Variants in BCL2L13 observed in about 807,000 individuals in gnomAD.
BCL2L13 encodes the protein bcl-2-like protein 13.
Under a neutral mutation model 25.8 loss-of-function variants are expected in BCL2L13, and 13 were observed. The ratio of observed to expected loss-of-function variants is 0.50; its 90% CI spans 0.33 to 0.80. BCL2L13 has a LOEUF of 0.80. Ranked by LOEUF, BCL2L13 falls within the 30% of genes least tolerant of loss-of-function variation. The pLI is 0.02. For synonymous variants in BCL2L13, 244 were observed against 230.3 expected, an observed-to-expected ratio of 1.06 and a Z score of -0.54; for missense variants, 504 against 574.9, an observed-to-expected ratio of 0.88 and a Z score of 1.26.
At chr22:17,715,149 TATATATATATATATATA>T (rs1569007772) in intron 6 of BCL2L13, among the ~76,000 whole-genome samples, 1 of 8,980 alleles carries the variant, frequency 1.1e-4, no homozygotes, top group Non-Finnish European at 1.9e-4. Context: ...TATATATATA[TATATATATATATATATA>T]TATATTTTTT....
intron 1 of BCL2L13, among the ~76,000 whole-genome samples, chr22:17,654,560 C>G (rs1236164153): frequency 1.3e-5 from 2 of 151,980 alleles, no homozygotes; most frequent in South Asian, 2.1e-4. Context: ...GTAGCTGGGA[C>G]TACAGGTGCC....
chr22:17,630,721 G>A (rs975040281), intron 1 of BCL2L13, among the ~76,000 whole-genome samples: 2 of 150,892 alleles, frequency 1.3e-5, no homozygotes, highest in Non-Finnish European at 2.9e-5. Flanking sequence ...CTCCCCAGTA[G>A]CTGAGATTAC....
Position 17,681,866 on chromosome 22 carries a change from C to T in BCL2L13, c.122-1348C>T, listed in dbSNP as rs563912124. On this transcript the variant is annotated intron_variant, in intron 2 of 6. Coordinates refer to ENST00000317582, the MANE Select transcript of BCL2L13 (RefSeq NM_015367.4). ...TGGTGCACCCTTGGTCACATTTCTT[C>T]CCTGTGTCTTGGTTTTTCACCTGCA... Among the ~76,000 whole-genome samples the T allele has an allele frequency of 2.0e-5, 3 of 152,242 alleles. No individual in the cohort carries two copies. The East Asian group carries it at 5.8e-4, about 29-fold the overall frequency.
At chr22:17,653,791 A>G (rs926390045) in intron 1 of BCL2L13, among the ~76,000 whole-genome samples, 1 of 151,740 alleles carries the variant, frequency 6.6e-6, no homozygotes, top group African/African-American at 2.4e-5. Flanking sequence ...AGCATGAGCC[A>G]CTGTGCCAAC....
At chr22:17,681,365 G>T (rs2146703248) in intron 2 of BCL2L13, among the ~76,000 whole-genome samples, 1 of 152,102 alleles carries the variant, frequency 6.6e-6, no homozygotes, top group East Asian at 1.9e-4. Flanking sequence ...AATTAGGCGG[G>T]TGTGGTGGCG....
At chr22:17,679,613 T>TA (rs2059675765) in intron 2 of BCL2L13, among the ~76,000 whole-genome samples, 1 of 151,924 alleles carries the variant, frequency 6.6e-6, no homozygotes, top group African/African-American at 2.4e-5. Flanking sequence ...AAATGTTCTG[T>TA]AGTACTGAAA....
chr22:17,645,060 C>T (rs1317643664), intron 1 of BCL2L13, among the ~76,000 whole-genome samples: 19 of 150,302 alleles, frequency 1.3e-4, no homozygotes, highest in East Asian at 5.9e-4. Context: ...CCACCCACCT[C>T]GGCTTCCCAA....
chr22:17,688,083 T>G (rs1398732038), intron 3 of BCL2L13, among the ~76,000 whole-genome samples: 2 of 152,152 alleles, frequency 1.3e-5, no homozygotes, highest in African/African-American at 4.8e-5. Flanking sequence ...CCTCCCAAAG[T>G]GCTGGGATTA....
intron 6 of BCL2L13, among the ~76,000 whole-genome samples, chr22:17,709,699 C>G (rs558081740): frequency 6.6e-6 from 1 of 152,150 alleles, no homozygotes; most frequent in Admixed American, 6.5e-5. Flanking sequence ...GCAGGAGAAT[C>G]TCTTGAACCC....
chr22:17,710,876 C>CA (rs900240426), intron 6 of BCL2L13, among the ~76,000 whole-genome samples: 10 of 147,790 alleles, frequency 6.8e-5, no homozygotes, highest in South Asian at 2.1e-4. Context: ...GACTCCGTCT[C>CA]AAAAAAAATA....
At position 17,726,805 on chromosome 22, in the gene BCL2L13, G is replaced by A; in HGVS notation, c.729G>A (p.Val243=). 3.7e-6 allele frequency: 6 copies of A among 1,614,206 alleles called. No individual in the cohort carries two copies. Among genetic ancestry groups the A allele is most frequent in the Non-Finnish European group, 5.1e-6 (6 of 1,180,048 alleles). ...TCAGTCCCCCAGAGTCTCCAACTGTGACCACTTCCTGGCAGTCTGAGAGCT... is the reference window on the plus strand; with the variant it reads ...TCAGTCCCCCAGAGTCTCCAACTGTAACCACTTCCTGGCAGTCTGAGAGCT... ...GQVSPPESPT[V]TTSWQSESLP... The change falls in exon 7 of 7, where the codon GTG becomes GTA. Residue 243 remains valine (V), a synonymous_variant. Coordinates refer to ENST00000317582, the MANE Select transcript of BCL2L13 (RefSeq NM_015367.4).
intron 1 of BCL2L13, among the ~76,000 whole-genome samples, chr22:17,629,818 TAC>T (rs3044578): frequency 0.026 from 3,795 of 147,978 alleles, 102 homozygotes; most frequent in African/African-American, 0.055. Flanking sequence ...TTTATTTTCA[TAC>T]ACACACACAC....
chr22:17,644,384 G>T (rs1236135075), intron 1 of BCL2L13, among the ~76,000 whole-genome samples: 1 of 146,396 alleles, frequency 6.8e-6, no homozygotes, highest in Non-Finnish European at 1.5e-5. Context: ...AGGCTGAAGT[G>T]CAGTGGCACT....
rs139029107 is a variant in BCL2L13, at chr22:17,683,233, T to G, written c.141T>G (p.Ala47=). ...TTTCAGGGGTTCAACTAGATATAGC[T>G]TCACAATCTCTGGATCAAGAAATTT... ...SSPQGVQLDI[A]SQSLDQEILL... Residue 47 remains alanine, a synonymous_variant, in exon 3 of 7, where the codon GCT becomes GCG. Transcript: ENST00000317582. The G allele has an allele frequency of 5.2e-5, 82 of 1,581,388 alleles. No individual in the cohort carries two copies. Among genetic ancestry groups the G allele is most frequent in the Non-Finnish European group, 6.3e-5 (73 of 1,156,110 alleles).
chr22:17,658,229 G>C (rs960157471), intron 2 of BCL2L13, among the ~76,000 whole-genome samples: 4 of 151,980 alleles, frequency 2.6e-5, no homozygotes, highest in African/African-American at 9.7e-5. Flanking sequence ...TGTATATTCT[G>C]TTTTTTAATT....
upstream of BCL2L13, among the ~76,000 whole-genome samples, chr22:17,633,668 G>A (rs374118169): frequency 2.6e-5 from 4 of 152,220 alleles, no homozygotes; most frequent in South Asian, 2.1e-4. Flanking sequence ...AAGACTAGAA[G>A]TAAATGTAAA....
Position 17,680,511 on chromosome 22 carries a change from C to CAAAAAAA in BCL2L13, c.122-2679_122-2673dup, listed in dbSNP as rs770410371. 9.0e-4 allele frequency among the ~76,000 whole-genome samples: 12 copies of CAAAAAAA among 13,348 alleles called. 2 individuals carry two copies. Among genetic ancestry groups the CAAAAAAA allele is most frequent in the African/African-American group, 1.5e-3 (5 of 3,324 alleles). 8.8% of individuals were successfully genotyped at this position (13,348 alleles called of 152,430 possible). Reference sequence around the variant, plus strand: ...CCTGGGAGAGAGCGAGACTCTGTCTCAAAAAAAAAAAAAAAAAAAAAAAAA... The same window carrying CAAAAAAA: ...CCTGGGAGAGAGCGAGACTCTGTCTCAAAAAAAAAAAAAAAAAAAAAAAAAAAAAAAA... On this transcript the variant is annotated intron_variant, in intron 2 of 6. Coordinates refer to ENST00000317582, the MANE Select transcript of BCL2L13 (RefSeq NM_015367.4).
intron 6 of BCL2L13, among the ~76,000 whole-genome samples, chr22:17,710,537 G>A (rs1319746456): frequency 2.0e-5 from 3 of 151,866 alleles, no homozygotes; most frequent in East Asian, 1.9e-4. Context: ...CTGAGATCAC[G>A]CCACTGCACT....
chr22:17,677,225 T>C (rs1057026594), intron 2 of BCL2L13, among the ~76,000 whole-genome samples: 9 of 152,238 alleles, frequency 5.9e-5, no homozygotes, highest in Non-Finnish European at 1.2e-4. Flanking sequence ...ATAAGGAAAG[T>C]GTTTTATGTC....
Sources: allele counts gnomAD v4.1 joint callset (sites outside exome capture counted in the v4.1 genomes callset), GRCh38; gene constraint gnomAD v4.1.1; transcripts MANE v1.5; gene names NCBI Gene and HGNC (gene_info 2026-07-23, HGNC 2026-07-21).